Variants in ZNF341 observed in about 807,000 individuals in gnomAD.
The protein encoded by ZNF341 is zinc finger protein 341.
Under a neutral mutation model 87.7 loss-of-function variants are expected in ZNF341, and 52 were observed. The observed-to-expected ratio is 0.59, with a 90% CI of 0.47 to 0.75. ZNF341 has a LOEUF of 0.75. ZNF341 is among the 30% of genes least tolerant of loss of function. The probability of loss-of-function intolerance (pLI) is 0.00; values close to 1 mark genes in which losing one functional copy is unlikely to be tolerated. For synonymous variants in ZNF341, 459 were observed against 472.7 expected, an observed-to-expected ratio of 0.97 and a Z score of 0.38; for missense variants, 977 against 1,145.9, an observed-to-expected ratio of 0.85 and a Z score of 2.13.
chr20:33,767,417 G>A lies in ZNF341; in HGVS notation c.1413+376G>A, dbSNP rs564514918. 2.2e-3 allele frequency among the ~76,000 whole-genome samples: 315 copies of A among 144,088 alleles called. 1 individual carries two copies. The highest frequency in any genetic ancestry group is 7.3e-3 in the African/African-American group (283 of 38,756). 94.5% of individuals were successfully genotyped at this position (144,088 alleles called of 152,430 possible). Reference sequence around the variant, plus strand: ...TTTTTTGAGACGGTTTTACTCTTCCGCCCAGGCTGGAGTGCAGTGGTGCGA... The same window carrying A: ...TTTTTTGAGACGGTTTTACTCTTCCACCCAGGCTGGAGTGCAGTGGTGCGA... On this transcript the variant is annotated intron_variant, in intron 9 of 14. Coordinates refer to ENST00000375200, the MANE Select transcript of ZNF341 (RefSeq NM_001282933.2).
At chr20:33,767,401 A>G (rs2019433078) in intron 9 of ZNF341, among the ~76,000 whole-genome samples, 1 of 136,450 alleles carries the variant, frequency 7.3e-6, no homozygotes, top group East Asian at 2.1e-4. Context: ...TTTTTTTGAG[A>G]CGGTTTTACT....
chr20:33,781,401 T>C lies in ZNF341; in HGVS notation c.1719+14T>C. The C allele has an allele frequency of 6.2e-7, 1 of 1,612,318 alleles. No homozygotes were observed. The highest frequency in any genetic ancestry group is 8.5e-7 in the Non-Finnish European group (1 of 1,178,388). ...CACTGCCAGAAGGTGGGTGCCACTG[T>C]CCTCTTTTCTGGGGCCTAGGCTATA... On this transcript the variant is annotated intron_variant, in intron 11 of 14. Coordinates refer to ENST00000375200, the MANE Select transcript of ZNF341 (RefSeq NM_001282933.2).
chr20:33,786,457 T>G (rs1046358300), intron 12 of ZNF341, among the ~76,000 whole-genome samples: 17 of 152,052 alleles, frequency 1.1e-4, no homozygotes, highest in South Asian at 2.1e-4. Context: ...GAGTTTCAGT[T>G]TGGGATGATG....
intron 5 of ZNF341, 35 bp downstream of exon 5, chr20:33,753,458 GTCATGGACA>G: frequency 6.5e-7 from 1 of 1,536,640 alleles, no homozygotes; most frequent in African/African-American, 1.4e-5. Context: ...GAGGACACTG[GTCATGGACA>G]TCATGGCCAA....
At chr20:33,748,364 C>CCAGTCTTATCATCCTCATTCAG (rs1312982174) in intron 3 of ZNF341, among the ~76,000 whole-genome samples, 1 of 152,148 alleles carries the variant, frequency 6.6e-6, no homozygotes, top group Non-Finnish European at 1.5e-5. Context: ...GCCACCATGC[C>CCAGTCTTATCATCCTCATTCAG]TGGCTGATAC....
At position 33,764,576 on chromosome 20, in the gene ZNF341, T is replaced by A. The variant is rs1378121171; in HGVS notation, c.1223-2275T>A. On this transcript the variant is annotated intron_variant, in intron 8 of 14. Transcript: ENST00000375200. ...ATATATATATATTTTTTTTTTTTTTTTTTTTTTTTTTTTTGAGATGGAGTC... is the reference window on the plus strand; with the variant it reads ...ATATATATATATTTTTTTTTTTTTTATTTTTTTTTTTTTTGAGATGGAGTC... 1.5e-3 allele frequency among the ~76,000 whole-genome samples: 179 copies of A among 117,200 alleles called. 5 individuals carry two copies. Among genetic ancestry groups the A allele is most frequent in the African/African-American group, 5.4e-3 (166 of 30,506 alleles). The allele number at this position is 117,200 out of a possible 152,430, so 76.9% of individuals were successfully genotyped here. A position where few individuals can be genotyped will look rare whatever the true frequency, so the allele number is the denominator to read the frequency against.
intron 10 of ZNF341, among the ~76,000 whole-genome samples, chr20:33,771,088 C>T (rs1601275915): frequency 6.6e-6 from 1 of 151,970 alleles, no homozygotes; most frequent in Admixed American, 6.6e-5. Flanking sequence ...TGTCACTGCA[C>T]TCCAGCCTGG....
At chr20:33,773,210 C>T (rs1321431702) in intron 10 of ZNF341, among the ~76,000 whole-genome samples, 1 of 152,118 alleles carries the variant, frequency 6.6e-6, no homozygotes, top group Non-Finnish European at 1.5e-5. Flanking sequence ...GTGACCTGCC[C>T]ACCAGAGTAA....
chr20:33,764,085 C>T (rs369369469), intron 8 of ZNF341, among the ~76,000 whole-genome samples: 3 of 146,218 alleles, frequency 2.1e-5, no homozygotes, highest in South Asian at 2.2e-4. Flanking sequence ...AGTGCAGTGG[C>T]GCGATCTCAG....
chr20:33,790,952 C>CTGCAT (rs1321374290), intron 14 of ZNF341, 36 bp from the exon 15 acceptor site: 6 of 1,583,566 alleles, frequency 3.8e-6, no homozygotes, highest in Non-Finnish European at 4.3e-6. Context: ...GGGTGAAGGT[C>CTGCAT]TGGATGCTTC....
intron 12 of ZNF341, chr20:33,787,010 A>C (rs1354275433): frequency 6.6e-6 from 1 of 151,612 alleles, no homozygotes; most frequent in Non-Finnish European, 1.5e-5. Context: ...AAAACAAAAC[A>C]AAAAAAACCA....
chr20:33,739,670 A>T (rs1398652525), intron 1 of ZNF341, among the ~76,000 whole-genome samples: 1 of 152,202 alleles, frequency 6.6e-6, no homozygotes, highest in Non-Finnish European at 1.5e-5. Flanking sequence ...AGTGTGCATG[A>T]GGAAAACTGG....
At chr20:33,751,597 G>C (rs1314675621) in intron 4 of ZNF341, among the ~76,000 whole-genome samples, 1 of 152,056 alleles carries the variant, frequency 6.6e-6, no homozygotes, top group Non-Finnish European at 1.5e-5. Flanking sequence ...TTCTGAGACA[G>C]GGTCTCACTT....
intron 14 of ZNF341, 29 bp from the exon 15 acceptor site, chr20:33,790,959 C>T: frequency 6.3e-7 from 1 of 1,590,922 alleles, no homozygotes; most frequent in Non-Finnish European, 8.6e-7. Context: ...GGTCTGGATG[C>T]TTCTCACTGA....
chr20:33,771,606 T>G (rs2122708442), intron 10 of ZNF341, among the ~76,000 whole-genome samples: 1 of 152,188 alleles, frequency 6.6e-6, no homozygotes, highest in South Asian at 2.1e-4. Flanking sequence ...TTGGGGTAAT[T>G]TATTCTGATA....
intron 1 of ZNF341, among the ~76,000 whole-genome samples, chr20:33,740,300 T>G (rs1317523331): frequency 6.6e-6 from 1 of 152,138 alleles, no homozygotes; most frequent in African/African-American, 2.4e-5. Context: ...TATCAGGCAG[T>G]TTTAAGAAAA....
At chr20:33,775,744 G>C (rs535590563) in intron 10 of ZNF341, among the ~76,000 whole-genome samples, 37 of 152,106 alleles carry the variant, frequency 2.4e-4, no homozygotes, top group Non-Finnish European at 1.0e-4. Context: ...CAGTCACCCA[G>C]GCTGGAGTAC....
intron 12 of ZNF341, among the ~76,000 whole-genome samples, chr20:33,784,766 C>T (rs1357543359): frequency 6.6e-6 from 1 of 152,044 alleles, no homozygotes; most frequent in Admixed American, 6.6e-5. Context: ...AGGCTCCCAC[C>T]ACCATGTCCA....
At chr20:33,784,000 C>T in intron 12 of ZNF341, 136 bp downstream of exon 12, 2 of 789,896 alleles carry the variant, frequency 2.5e-6, no homozygotes, top group South Asian at 3.5e-5. Context: ...CTCCACTTCT[C>T]CATCTCCCTC....
Sources: allele counts gnomAD v4.1 joint callset (sites outside exome capture counted in the v4.1 genomes callset), GRCh38; gene constraint gnomAD v4.1.1; transcripts MANE v1.5; gene names NCBI Gene and HGNC (gene_info 2026-07-23, HGNC 2026-07-21).